RALGDS: variants seen among roughly 807,000 people sequenced by gnomAD.
RALGDS encodes the protein ral guanine nucleotide dissociation stimulator.
A neutral mutation model predicts 99.8 loss-of-function variants in RALGDS; 44 were observed. That is an observed-to-expected ratio of 0.44 (90% confidence interval 0.35 to 0.57). The LOEUF (loss-of-function observed/expected upper bound fraction) is 0.57, where lower values mean the gene tolerates loss of function less well. RALGDS is among the 20% of genes least tolerant of loss of function. The pLI is 0.01. For synonymous variants in RALGDS, 529 were observed against 505.0 expected, an observed-to-expected ratio of 1.05 and a Z score of -0.64; for missense variants, 1,022 against 1,203.1, an observed-to-expected ratio of 0.85 and a Z score of 2.23.
chr9:133,143,792 T>TAACAACAAC (rs1403577351), intron 1 of RALGDS, among the ~76,000 whole-genome samples: 1 of 123,178 alleles, frequency 8.1e-6, no homozygotes, highest in South Asian at 2.9e-4. Context: ...ACAACAATAA[T>TAACAACAAC]AATAATAATA....
At chr9:133,111,743 T>G (rs73558442) in intron 2 of RALGDS, among the ~76,000 whole-genome samples, 2 of 152,126 alleles carry the variant, frequency 1.3e-5, no homozygotes, top group African/African-American at 4.8e-5. Flanking sequence ...TTCTGGGAGA[T>G]GGCAACTTGC....
At chr9:133,114,044 C>T (rs1831477202) in intron 1 of RALGDS, among the ~76,000 whole-genome samples, 1 of 152,220 alleles carries the variant, frequency 6.6e-6, no homozygotes, top group African/African-American at 2.4e-5. Flanking sequence ...TGTCCCTGAG[C>T]AGGTCTAGAG....
intron 2 of RALGDS, among the ~76,000 whole-genome samples, 195 bp downstream of exon 2, chr9:133,111,847 G>C (rs995048203): frequency 3.3e-5 from 5 of 152,198 alleles, no homozygotes; most frequent in African/African-American, 1.2e-4. Context: ...CATGGAGGAT[G>C]GTGAGGCTGA....
Position 133,100,509 on chromosome 9 carries a change from G to A in RALGDS, c.2455-127C>T, listed in dbSNP as rs546799957. 21 of 1,577,458 alleles carry A rather than the reference G, an allele frequency of 1.3e-5. No individual in the cohort carries two copies. In the South Asian group the frequency reaches 2.3e-4, roughly 17 times the overall value. ...ACAGGCACTCACAGCCTCTGGCCAG[G>A]TGCTGGGTCCGGAGAGGGCCTTGTC... On this transcript the variant is annotated intron_variant, in intron 16 of 17. Transcript: ENST00000372050.
intron 1 of RALGDS, among the ~76,000 whole-genome samples, chr9:133,112,581 T>C (rs541541789): frequency 1.3e-5 from 2 of 152,276 alleles, no homozygotes; most frequent in Admixed American, 6.5e-5. Context: ...CTGACACGGC[T>C]GACTGCATCC....
chr9:133,123,961 G>GACAGAGACACAGACACACACAC (rs1564247652), upstream of RALGDS, among the ~76,000 whole-genome samples: 5 of 123,570 alleles, frequency 4.0e-5, no homozygotes, highest in Admixed American at 2.6e-4. Flanking sequence ...CACACACAGA[G>GACAGAGACACAGACACACACAC]ACACACACAT....
intron 1 of RALGDS, among the ~76,000 whole-genome samples, chr9:133,118,128 G>A (rs926372627): frequency 1.3e-5 from 2 of 152,170 alleles, no homozygotes; most frequent in Non-Finnish European, 2.9e-5. Context: ...GAGCAAGAGG[G>A]GAACCTGAGG....
chr9:133,099,587 C>T (rs557358710), intron 17 of RALGDS: 1 of 154,290 alleles, frequency 6.5e-6, no homozygotes, highest in African/African-American at 2.4e-5. Flanking sequence ...TATATATACA[C>T]ACACATATAC....
rs1389805603 is a variant in RALGDS at position 133,105,806 on chromosome 9, GC to G, written c.1602+125del. 1.8e-5 allele frequency: 12 copies of G among 679,474 alleles called. 1 individual carries two copies. The Admixed American group carries it at 3.1e-4, about 17-fold the overall frequency. The allele number at this position is 679,474 out of a possible 1,614,324, so 42.1% of individuals were successfully genotyped here. A position where few individuals can be genotyped will look rare whatever the true frequency, so the allele number is the denominator to read the frequency against. ...GGAACTTTCCCAGCAAGAAGCGAAT[GC>G]CACCGCCCGCCGCCCCAGCCCCCGC... On this transcript the variant is annotated intron_variant, in intron 9 of 17. Transcript: ENST00000372050.
chr9:133,148,876 C>A, intron 1 of RALGDS: 1 of 1,505,326 alleles, frequency 6.6e-7, no homozygotes, highest in East Asian at 2.5e-5. Flanking sequence ...GACGCGGCGC[C>A]GGGCTCCCTC....
In RALGDS at chr9:133,098,437, C is replaced by G; in HGVS notation, c.*150G>C. 1.2e-6 allele frequency: 1 copy of G among 819,416 alleles called. No individual in the cohort carries two copies. The highest frequency in any genetic ancestry group is 2.0e-6 in the Non-Finnish European group (1 of 509,746). The allele number at this position is 819,416 out of a possible 1,614,324, so 50.8% of individuals were successfully genotyped here. A position where few individuals can be genotyped will look rare whatever the true frequency, so the allele number is the denominator to read the frequency against. On this transcript the variant is annotated 3_prime_UTR_variant, in exon 18 of 18. Transcript: ENST00000372050. ...CCAGGTCAGCCTGACCAATGGCAGG[C>G]GTCAATCCCAGCAGCGGGAGAGGTT... is the stretch of plus-strand genomic sequence containing the variant.
In RALGDS at chr9:133,098,531, CCA is replaced by C; in HGVS notation, c.*54_*55del. ...GAGGAAGGCGCCCAGCTGGCCTGGG[CCA>C]CTCTGGTCCATAAGTGCTTGGCTAC... On this transcript the variant is annotated 3_prime_UTR_variant, in exon 18 of 18. Transcript: ENST00000372050. 1 of 1,597,256 alleles carries C rather than the reference CCA, an allele frequency of 6.3e-7. No individual in the cohort carries two copies. The highest frequency in any genetic ancestry group is 1.1e-5 in the South Asian group (1 of 90,108).
At chr9:133,128,091 G>A (rs554239475) in intron 1 of RALGDS, among the ~76,000 whole-genome samples, 47 of 152,308 alleles carry the variant, frequency 3.1e-4, no homozygotes, top group Non-Finnish European at 5.6e-4. Context: ...GGGGCCGCTC[G>A]GACAGCTGTC....
At chr9:133,113,063 A>C (rs777903769) in intron 1 of RALGDS, among the ~76,000 whole-genome samples, 5 of 152,130 alleles carry the variant, frequency 3.3e-5, no homozygotes, top group Non-Finnish European at 7.4e-5. Flanking sequence ...ACTTAGCCAC[A>C]ATTACCCCCG....
chr9:133,104,523 C>T (rs770973332), intron 9 of RALGDS, 192 bp from the exon 10 acceptor site: 18 of 612,178 alleles, frequency 2.9e-5, no homozygotes, highest in Middle Eastern at 8.4e-4. Flanking sequence ...ATGAGAACTC[C>T]GCCTGCTGCA....
At chr9:133,123,519 A>T (rs1344100639), upstream of RALGDS, among the ~76,000 whole-genome samples, 7 of 152,146 alleles carry the variant, frequency 4.6e-5, no homozygotes, top group Non-Finnish European at 1.0e-4. Flanking sequence ...ATCTGACTAT[A>T]TCATCTACAG....
rs748018982 is a variant in RALGDS at position 133,106,009 on chromosome 9, A to T, written c.1525T>A (p.Phe509Ile). The T allele has an allele frequency of 6.2e-6, 10 of 1,607,730 alleles. No homozygotes were observed. Among genetic ancestry groups the T allele is most frequent in the Middle Eastern group, 1.7e-4 (1 of 6,038 alleles). ...TCTGACAGCTTCTGAAAGATCCGGA[A>T]ACTGTCCCTGTCAGAAGGGCAAAGA... ...KTWEDVSRDS[F>I]RIFQKLSEIF... is the part of the protein sequence containing the mutation. The change falls in exon 9 of 18, where the codon TTC becomes ATC. Residue 509 changes from phenylalanine (F) to isoleucine (I), a missense_variant. By Grantham distance (21) the Phe-to-Ile change is conservative. Transcript: ENST00000372050.
At chr9:133,101,225 T>C (rs1259355293) in intron 16 of RALGDS, 1 of 1,267,982 alleles carries the variant, frequency 7.9e-7, no homozygotes, top group Non-Finnish European at 1.0e-6. Flanking sequence ...GTCGAGGTCC[T>C]GGCAGGGCTC....
At chr9:133,143,786 C>CAACAAT (rs1398814466) in intron 1 of RALGDS, among the ~76,000 whole-genome samples, 16 of 125,506 alleles carry the variant, frequency 1.3e-4, no homozygotes, top group African/African-American at 5.1e-4. Flanking sequence ...ACAACAACAA[C>CAACAAT]AATAATAATA....
Sources: allele counts gnomAD v4.1 joint callset (sites outside exome capture counted in the v4.1 genomes callset), GRCh38; gene constraint gnomAD v4.1.1; transcripts MANE v1.5; gene names NCBI Gene and HGNC (gene_info 2026-07-23, HGNC 2026-07-21).